Variants in ATP9B observed in about 807,000 individuals in gnomAD.
ATP9B encodes probable phospholipid-transporting ATPase IIB.
ATP9B carries 110 observed loss-of-function variants against 146.1 expected under a neutral mutation model. The ratio of observed to expected loss-of-function variants is 0.75; its 90% CI spans 0.65 to 0.88. ATP9B has a LOEUF of 0.88. Ranked by LOEUF, ATP9B falls within the 40% of genes least tolerant of loss-of-function variation. ATP9B has a pLI of 0.00. For missense variants in ATP9B, 1,499 were observed against 1,496.4 expected (o/e 1.00, Z -0.03); for synonymous variants, 604 against 569.7 (o/e 1.06, Z -0.86).
chr18:79,193,180 C>A lies in ATP9B; in HGVS notation c.874-3C>A. ...TAATCGATTCAAATGTTCTGTATTC[C>A]AGGACCTTTTTTCTATCAGTGCTTA... is the stretch of plus-strand genomic sequence containing the variant. On this transcript the variant is annotated splice_region_variant and splice_polypyrimidine_tract_variant and intron_variant, in intron 8 of 29. Transcript: ENST00000426216. 1 of 1,592,498 alleles carries A rather than the reference C, an allele frequency of 6.3e-7. No homozygotes were observed. Among genetic ancestry groups the A allele is most frequent in the Non-Finnish European group, 8.6e-7 (1 of 1,162,616 alleles).
intron 7 of ATP9B, among the ~76,000 whole-genome samples, chr18:79,176,129 CCT>C (rs1230929840): frequency 2.0e-5 from 3 of 152,188 alleles, no homozygotes; most frequent in Non-Finnish European, 2.9e-5. Context: ...TTCAGCTCGT[CCT>C]CTGTTTGTTC....
rs1600170621 is a variant in ATP9B, at chr18:79,339,650, C to G, written c.2283+2201C>G. Among the ~76,000 whole-genome samples the G allele has an allele frequency of 3.4e-5, 5 of 145,164 alleles. No individual in the cohort carries two copies. In the South Asian group the frequency reaches 6.7e-4, roughly 19 times the overall value. On this transcript the variant is annotated intron_variant, in intron 19 of 29. Coordinates refer to ENST00000426216, the MANE Select transcript of ATP9B (RefSeq NM_198531.5). ...AGTGTGTCAGGAGGCTGTATCATATCTGACTGAGATCGTAGTAGGAAGTGT... is the reference window on the plus strand; with the variant it reads ...AGTGTGTCAGGAGGCTGTATCATATGTGACTGAGATCGTAGTAGGAAGTGT...
chr18:79,286,824 A>G (rs2096448234), intron 13 of ATP9B, among the ~76,000 whole-genome samples: 1 of 152,192 alleles, frequency 6.6e-6, no homozygotes, highest in South Asian at 2.1e-4. Context: ...AGTTTTTAGC[A>G]TGAAGGGTTG....
At chr18:79,290,270 C>A (rs1400801437) in intron 13 of ATP9B, among the ~76,000 whole-genome samples, 5 of 152,214 alleles carry the variant, frequency 3.3e-5, no homozygotes, top group Non-Finnish European at 7.3e-5. Flanking sequence ...GGGCTCCACC[C>A]AGTTGGAGCT....
At chr18:79,326,490 C>T (rs1294516485) in intron 15 of ATP9B, among the ~76,000 whole-genome samples, 1 of 148,404 alleles carries the variant, frequency 6.7e-6, no homozygotes, top group Non-Finnish European at 1.5e-5. Flanking sequence ...AGGGTGTCAT[C>T]TCTATACCCT....
intron 2 of ATP9B, among the ~76,000 whole-genome samples, chr18:79,104,039 G>A (rs949138200): frequency 1.1e-4 from 16 of 152,150 alleles, no homozygotes. Context: ...CCCAGAAATT[G>A]AACCAGGTCC....
At chr18:79,228,244 C>G (rs1456441642) in intron 11 of ATP9B, among the ~76,000 whole-genome samples, 1 of 152,214 alleles carries the variant, frequency 6.6e-6, no homozygotes, top group African/African-American at 2.4e-5. Flanking sequence ...TTTTGCACAT[C>G]TGTTGTACCA....
chr18:79,302,315 G>T (rs758559721), intron 13 of ATP9B, among the ~76,000 whole-genome samples: 2 of 151,314 alleles, frequency 1.3e-5, no homozygotes, highest in Non-Finnish European at 3.0e-5. Context: ...AAAGCAGCAC[G>T]TTGTGAAATA....
At chr18:79,252,541 T>A (rs1024609024) in intron 11 of ATP9B, among the ~76,000 whole-genome samples, 17 of 152,224 alleles carry the variant, frequency 1.1e-4, no homozygotes, top group African/African-American at 3.6e-4. Flanking sequence ...AGCTACATGC[T>A]TCAGAAGAGC....
intron 8 of ATP9B, among the ~76,000 whole-genome samples, chr18:79,187,419 G>A (rs935457899): frequency 1.2e-4 from 19 of 152,222 alleles, no homozygotes; most frequent in African/African-American, 4.6e-4. Context: ...TGGACTCAAA[G>A]GGGCACATGT....
chr18:79,253,104 C>T (rs568401445), intron 11 of ATP9B, among the ~76,000 whole-genome samples: 22 of 152,296 alleles, frequency 1.4e-4, no homozygotes, highest in African/African-American at 5.3e-4. Context: ...TTGCCTGAGC[C>T]GGTGACCAGC....
intron 11 of ATP9B, among the ~76,000 whole-genome samples, chr18:79,234,935 C>G (rs965553805): frequency 6.6e-6 from 1 of 152,138 alleles, no homozygotes; most frequent in African/African-American, 2.4e-5. Context: ...TTCAGTGGCG[C>G]AGTCTAGGCT....
At chr18:79,198,056 A>G (rs576717738) in intron 9 of ATP9B, among the ~76,000 whole-genome samples, 3 of 152,320 alleles carry the variant, frequency 2.0e-5, no homozygotes, top group South Asian at 2.1e-4. Flanking sequence ...AATCCCAACT[A>G]TAGTTGAATA....
chr18:79,176,024 A>G (rs1165784639), intron 7 of ATP9B, among the ~76,000 whole-genome samples: 1 of 152,084 alleles, frequency 6.6e-6, no homozygotes, highest in Non-Finnish European at 1.5e-5. Context: ...TTATTTCACA[A>G]TCTATATCCT....
At chr18:79,105,507 C>T (rs2075594175) in intron 2 of ATP9B, among the ~76,000 whole-genome samples, 2 of 152,258 alleles carry the variant, frequency 1.3e-5, no homozygotes, top group Non-Finnish European at 2.9e-5. Flanking sequence ...GGCTTGAGAC[C>T]TGCTTTCTCA....
chr18:79,262,434 C>T lies in ATP9B; in HGVS notation c.1268+8893C>T, dbSNP rs530878920. Among the ~76,000 whole-genome samples the T allele has an allele frequency of 1.4e-4, 21 of 152,162 alleles. No individual in the cohort carries two copies. The East Asian group carries it at 4.0e-3, about 29-fold the overall frequency. On this transcript the variant is annotated intron_variant, in intron 12 of 29. Transcript: ENST00000426216. Reference sequence around the variant, plus strand: ...TTTATATATACAAACCTTATTGCCTCTAATTGTGGAAATAGTGCTGGGGAA... The same window carrying T: ...TTTATATATACAAACCTTATTGCCTTTAATTGTGGAAATAGTGCTGGGGAA...
At chr18:79,192,066 A>G (rs1232500684) in intron 8 of ATP9B, among the ~76,000 whole-genome samples, 1 of 151,948 alleles carries the variant, frequency 6.6e-6, no homozygotes, top group African/African-American at 2.4e-5. Context: ...CGTTTAGTGG[A>G]TATAGTTTAG....
chr18:79,286,783 G>A (rs1244922075), intron 13 of ATP9B, among the ~76,000 whole-genome samples: 1 of 152,140 alleles, frequency 6.6e-6, no homozygotes, highest in Admixed American at 6.5e-5. Context: ...ATTATTTTGA[G>A]ATACGTCCCA....
At chr18:79,189,251 G>T (rs1250277999) in intron 8 of ATP9B, among the ~76,000 whole-genome samples, 1 of 152,098 alleles carries the variant, frequency 6.6e-6, no homozygotes, top group Non-Finnish European at 1.5e-5. Flanking sequence ...GGAGACTGAG[G>T]CCAGAGAATC....
Sources: allele counts gnomAD v4.1 joint callset (sites outside exome capture counted in the v4.1 genomes callset), GRCh38; gene constraint gnomAD v4.1.1; transcripts MANE v1.5; gene names NCBI Gene and HGNC (gene_info 2026-07-23, HGNC 2026-07-21).